GRIK4: variants seen among roughly 807,000 people sequenced by gnomAD.
GRIK4 encodes glutamate receptor ionotropic, kainate 4.
A neutral mutation model predicts 104.9 loss-of-function variants in GRIK4; 40 were observed. That is an observed-to-expected ratio of 0.38 (90% CI 0.30 to 0.50). The LOEUF is 0.50. Among genes scored for constraint, GRIK4 ranks in the 20% least tolerant of loss-of-function variants. GRIK4 has a pLI of 0.93. For missense variants in GRIK4, 1,047 were observed against 1,308.1 expected, an observed-to-expected ratio of 0.80 and a Z score of 3.08; for synonymous variants, 485 against 524.9, an observed-to-expected ratio of 0.92 and a Z score of 1.04.
At chr11:120,537,207 C>T (rs1294464430) in intron 1 of GRIK4, among the ~76,000 whole-genome samples, 2 of 152,148 alleles carry the variant, frequency 1.3e-5, no homozygotes, top group Non-Finnish European at 2.9e-5. Context: ...TTACTCTTTG[C>T]CTTCAACTAG....
At chr11:120,941,758 C>T (rs776118096) in intron 14 of GRIK4, among the ~76,000 whole-genome samples, 28 of 152,028 alleles carry the variant, frequency 1.8e-4, no homozygotes, top group African/African-American at 3.6e-4. Flanking sequence ...TAGCAACCAC[C>T]GAAAGCTAGA....
Position 120,903,846 on chromosome 11 carries a change from T to C in GRIK4, c.1273-1444T>C, listed in dbSNP as rs1412569796. ...CAGTCCTCATCCTACGGAGTCCTGC[T>C]GCCCCCACCACGCCTGCCTTCAAAA... On this transcript the variant is annotated intron_variant, in intron 12 of 20. Coordinates refer to ENST00000527524, the MANE Select transcript of GRIK4 (RefSeq NM_014619.5). This position sits in a 1 kb window ranked among gnomAD's most constrained non-coding sequence, Gnocchi z 4.4. 6.6e-6 allele frequency among the ~76,000 whole-genome samples: 1 copy of C among 152,192 alleles called. No individual in the cohort carries two copies. Among genetic ancestry groups the C allele is most frequent in the Non-Finnish European group, 1.5e-5 (1 of 68,040 alleles).
In GRIK4 at chr11:120,618,153, T is replaced by C. The variant is rs564457221; in HGVS notation, c.-158-35532T>C. Among the ~76,000 whole-genome samples the C allele has an allele frequency of 9.2e-5, 14 of 152,300 alleles. No individual in the cohort carries two copies. In the East Asian group the frequency reaches 2.7e-3, roughly 29 times the overall value. On this transcript the variant is annotated intron_variant, in intron 1 of 20. Transcript: ENST00000527524. Reference sequence around the variant, plus strand: ...TGGAGATGAGAAACTTATTGGAAACTGGAGTAAAAGGTCACTTTTACTATG... The same window carrying C: ...TGGAGATGAGAAACTTATTGGAAACCGGAGTAAAAGGTCACTTTTACTATG...
intron 1 of GRIK4, among the ~76,000 whole-genome samples, chr11:120,569,287 T>C (rs1362587749): frequency 6.6e-6 from 1 of 152,222 alleles, no homozygotes; most frequent in Non-Finnish European, 1.5e-5. Context: ...TCCCCACCAC[T>C]CAAGGATCTC....
In GRIK4 at chr11:120,898,597, G is replaced by A. The variant is rs370126518; in HGVS notation, c.1230G>A (p.Ser410=). ...GCCACCTCTATGCCTCCAACATCTC[G>A]GACACTCTCTTCAACACCACCCTGG... ...MDSHLYASNI[S]DTLFNTTLVV... The change falls in exon 12 of 21, where the codon TCG becomes TCA. Residue 410 remains serine (S), a synonymous_variant. Transcript: ENST00000527524. The A allele has an allele frequency of 3.5e-5, 56 of 1,612,640 alleles. No homozygotes were observed. Among genetic ancestry groups the A allele is most frequent in the African/African-American group, 4.0e-5 (3 of 74,870 alleles).
intron 7 of GRIK4, among the ~76,000 whole-genome samples, chr11:120,835,527 C>A (rs1467345586): frequency 1.1e-5 from 1 of 93,038 alleles, no homozygotes; most frequent in African/African-American, 3.4e-5. Context: ...GACTCTGACT[C>A]AAAGAAAAAA....
intron 11 of GRIK4, among the ~76,000 whole-genome samples, chr11:120,888,850 T>C (rs1257236753): frequency 6.6e-6 from 1 of 152,228 alleles, no homozygotes; most frequent in African/African-American, 2.4e-5. Flanking sequence ...ACTGAATTGA[T>C]TTCATAACCC....
chr11:120,598,472 A>T (rs906370983), intron 1 of GRIK4, among the ~76,000 whole-genome samples: 1 of 152,210 alleles, frequency 6.6e-6, no homozygotes, highest in Non-Finnish European at 1.5e-5. Context: ...GGAGCCAACC[A>T]GTTCTTTTCC....
chr11:120,734,845 C>A (rs1039848248), intron 3 of GRIK4, among the ~76,000 whole-genome samples: 9 of 152,274 alleles, frequency 5.9e-5, no homozygotes, highest in South Asian at 2.1e-4. Context: ...ATATCAATTG[C>A]ATTTTTCAAA....
At chr11:120,766,246 A>G (rs556698764) in intron 3 of GRIK4, among the ~76,000 whole-genome samples, 1 of 152,234 alleles carries the variant, frequency 6.6e-6, no homozygotes, top group Admixed American at 6.5e-5. Flanking sequence ...GGCTTTGTTT[A>G]CACTGTAAGG....
intron 3 of GRIK4, among the ~76,000 whole-genome samples, chr11:120,667,494 A>T (rs1367119438): frequency 1.3e-5 from 2 of 152,198 alleles, no homozygotes; most frequent in East Asian, 3.9e-4. Context: ...AGCACATCCC[A>T]CTCACAGCCT....
At chr11:120,867,600 C>A (rs1410003586) in intron 9 of GRIK4, among the ~76,000 whole-genome samples, 4 of 152,032 alleles carry the variant, frequency 2.6e-5, no homozygotes, top group Non-Finnish European at 4.4e-5. Context: ...CCTCACCTTC[C>A]GGGTCGGGCC....
chr11:120,687,445 AT>A (rs1194980386), intron 3 of GRIK4, among the ~76,000 whole-genome samples: 1 of 151,526 alleles, frequency 6.6e-6, no homozygotes, highest in African/African-American at 2.4e-5. Flanking sequence ...TTTTCTTTCC[AT>A]TTTTTTGGAA....
chr11:120,536,194 C>T (rs894927665), intron 1 of GRIK4, among the ~76,000 whole-genome samples: 11 of 152,214 alleles, frequency 7.2e-5, no homozygotes, highest in Admixed American at 7.2e-4. Flanking sequence ...AAGTGTTAGG[C>T]TATTTTCCTG....
intron 3 of GRIK4, among the ~76,000 whole-genome samples, chr11:120,795,473 G>A (rs1226310706): frequency 1.3e-5 from 2 of 152,206 alleles, no homozygotes; most frequent in African/African-American, 4.8e-5. Flanking sequence ...CAGGCGCCAC[G>A]TCTACTACTG....
At chr11:120,576,376 C>T (rs1276870474) in intron 1 of GRIK4, 1 of 152,194 alleles carries the variant, frequency 6.6e-6, no homozygotes, top group East Asian at 1.9e-4. Context: ...ATAGATTTGT[C>T]TTCTCTGCCA....
Position 120,829,162 on chromosome 11 carries a change from C to T in GRIK4, c.512-2690C>T, listed in dbSNP as rs139595519. 1.1e-4 allele frequency among the ~76,000 whole-genome samples: 16 copies of T among 152,268 alleles called. No homozygotes were observed. In the East Asian group the frequency reaches 2.9e-3, roughly 28 times the overall value. ...ACCCCTTGCTTGTTCACCTCTCCAG[C>T]TGTGGGGCACCCTCACCCACAGCCT... On this transcript the variant is annotated intron_variant, in intron 6 of 20. Coordinates refer to ENST00000527524, the MANE Select transcript of GRIK4 (RefSeq NM_014619.5).
chr11:120,724,092 G>A lies in GRIK4; in HGVS notation c.82+63692G>A, dbSNP rs570549893. ...TTTCATCTGTTTTCTTTCAGTTAGC[G>A]TAATGCATTTTACAATCATCCATGT... On this transcript the variant is annotated intron_variant, in intron 3 of 20. Transcript: ENST00000527524. Among the ~76,000 whole-genome samples the A allele has an allele frequency of 2.3e-3, 355 of 152,264 alleles. 3 individuals are homozygous for A. Among genetic ancestry groups the A allele is most frequent in the Non-Finnish European group, 4.0e-3 (274 of 68,024 alleles).
At chr11:120,714,886 A>G (rs542806780) in intron 3 of GRIK4, among the ~76,000 whole-genome samples, 1 of 152,302 alleles carries the variant, frequency 6.6e-6, no homozygotes, top group South Asian at 2.1e-4. Context: ...GCTTTAGCCT[A>G]GTATAAGGGA....
Sources: gnomAD v4.1 joint callset for allele counts (sites outside exome capture counted in the v4.1 genomes callset) on GRCh38, gnomAD v4.1.1 for gene constraint, Gnocchi (gnomAD v3.1) non-coding constraint, MANE v1.5 for transcripts, NCBI Gene and HGNC (gene_info 2026-07-23, HGNC 2026-07-21) for gene names.